RUSC2: variants seen among roughly 807,000 people sequenced by gnomAD.
RUSC2 encodes AP-4 complex accessory subunit RUSC2.
A neutral mutation model predicts 122.2 loss-of-function variants in RUSC2; 34 were observed. The observed-to-expected ratio is 0.28, with a 90% CI of 0.21 to 0.37. The LOEUF (loss-of-function observed/expected upper bound fraction) is 0.37. Among genes scored for constraint, RUSC2 ranks in the 10% least tolerant of loss-of-function variants. The pLI, the probability that RUSC2 is intolerant of heterozygous loss-of-function variation, is 1.00. For synonymous variants in RUSC2, 784 were observed against 790.0 expected, an observed-to-expected ratio of 0.99 and a Z score of 0.13; for missense variants, 1,747 against 1,952.4, an observed-to-expected ratio of 0.89 and a Z score of 1.98.
chr9:35,523,795 A>C (rs962467807), intron 1 of RUSC2, among the ~76,000 whole-genome samples: 1 of 151,986 alleles, frequency 6.6e-6, no homozygotes, highest in African/African-American at 2.4e-5. Context: ...AGCCTGGGCA[A>C]CAGAGGGAGA....
rs78585284 is a variant in RUSC2 at position 35,510,868 on chromosome 9, T to G, written c.-93+20696T>G. ...GTTTTTGGCAAAGGGCTTGTTCTTATTCTGAGATTTTGACTATAAATGGAC... is the reference window on the plus strand; with the variant it reads ...GTTTTTGGCAAAGGGCTTGTTCTTAGTCTGAGATTTTGACTATAAATGGAC... On this transcript the variant is annotated intron_variant, in intron 1 of 11. Coordinates refer to ENST00000361226, the MANE Select transcript of RUSC2 (RefSeq NM_014806.5). 2.8e-4 allele frequency among the ~76,000 whole-genome samples: 43 copies of G among 152,334 alleles called. No homozygotes were observed. In the East Asian group the frequency reaches 8.3e-3, roughly 29 times the overall value.
At chr9:35,500,588 G>A (rs1247577881) in intron 1 of RUSC2, among the ~76,000 whole-genome samples, 2 of 152,190 alleles carry the variant, frequency 1.3e-5, no homozygotes, top group Non-Finnish European at 2.9e-5. Context: ...AGAGTTCTAA[G>A]AATGCTTTTA....
In RUSC2 at chr9:35,547,475, C is replaced by T. The variant is rs750465067; in HGVS notation, c.954C>T (p.Gly318=). Residue 318 remains glycine, a synonymous_variant, in exon 2 of 12, where the codon GGC becomes GGT. Coordinates refer to ENST00000361226, the MANE Select transcript of RUSC2 (RefSeq NM_014806.5). The surrounding 1 kb of genome is among the most constrained non-coding windows in gnomAD (Gnocchi z 4.6). ...DSSFCSHSDP[G]AFYLDLQPSP... is the part of the protein sequence containing the mutation. ...CCTTCTGCAGCCACTCAGACCCTGG[C>T]GCCTTCTATCTGGATCTGCAGCCCT... 1.9e-5 allele frequency: 31 copies of T among 1,614,056 alleles called. No homozygotes were observed. Among genetic ancestry groups the T allele is most frequent in the Admixed American group, 3.3e-5 (2 of 60,006 alleles).
In RUSC2 at chr9:35,525,124, A is replaced by G. The variant is rs369964451; in HGVS notation, c.-92-21306A>G. ...CAGGCTGGCCTTTTTTTGTGTGGGG[A>G]AACCCCCAGAGAATTTGACATTCTT... On this transcript the variant is annotated intron_variant, in intron 1 of 11. Coordinates refer to ENST00000361226, the MANE Select transcript of RUSC2 (RefSeq NM_014806.5). Among the ~76,000 whole-genome samples, 79 of 152,246 alleles carry G rather than the reference A, an allele frequency of 5.2e-4. 1 individual carries two copies. The highest frequency in any genetic ancestry group is 1.8e-3 in the African/African-American group (73 of 41,546).
In RUSC2 at chr9:35,548,067, C is replaced by T. The variant is rs769971449; in HGVS notation, c.1546C>T (p.Arg516Cys). The change falls in exon 2 of 12, where the codon CGT (arginine) becomes TGT (cysteine). Residue 516 changes from arginine (R) to cysteine (C), a missense_variant. Transcript: ENST00000361226. The surrounding 1 kb of genome is among the most constrained non-coding windows in gnomAD (Gnocchi z 4.5). ...SPPVRLGSLERMLSCPVRLSE... is the reference protein window; with the variant it reads ...SPPVRLGSLECMLSCPVRLSE... The stretch of plus-strand genomic sequence containing the variant: ...TCCTGTCCGCCTGGGCTCGCTGGAA[C>T]GTATGTTGAGTTGCCCAGTGCGCTT... 29 of 1,613,244 alleles carry T rather than the reference C, an allele frequency of 1.8e-5. No individual in the cohort carries two copies. The highest frequency in any genetic ancestry group is 5.0e-5 in the Admixed American group (3 of 60,016).
intron 1 of RUSC2, among the ~76,000 whole-genome samples, chr9:35,513,754 G>A (rs2132508337): frequency 6.6e-6 from 1 of 150,638 alleles, no homozygotes; most frequent in Admixed American, 6.6e-5. Context: ...GCTCATGCCT[G>A]TAATCCCAGC....
chr9:35,533,246 CAAA>C (rs67387968), intron 1 of RUSC2, among the ~76,000 whole-genome samples: 1 of 122,966 alleles, frequency 8.1e-6, no homozygotes, highest in East Asian at 2.6e-4. Context: ...GACTCTGTCT[CAAA>C]AAAAAAAAAA....
intron 1 of RUSC2, among the ~76,000 whole-genome samples, chr9:35,535,705 AT>A (rs1356797671): frequency 2.0e-5 from 3 of 150,940 alleles, no homozygotes; most frequent in African/African-American, 7.3e-5. Flanking sequence ...CGCCCGGCTA[AT>A]TTTTTTTGTA....
Position 35,560,415 on chromosome 9 carries a change from C to T in RUSC2, c.3775C>T (p.Arg1259Cys), listed in dbSNP as rs145538360. Reference protein sequence around the residue: ...EVAEAAGGSGRARWARGGQAG... With the variant: ...EVAEAAGGSGCARWARGGQAG... ...GGCAGAGGCAGCCGGGGGCTCAGGG[C>T]GTGCCAGGTGGGCCCGAGGTGGGCA... The change falls in exon 10 of 12, where the codon CGT becomes TGT. Residue 1259 changes from arginine (R) to cysteine (C), a missense_variant. Arg to Cys is a radical substitution (Grantham distance 180, BLOSUM62 -3). Transcript: ENST00000361226. 9 of 1,614,022 alleles carry T rather than the reference C, an allele frequency of 5.6e-6. No individual in the cohort carries two copies. Among genetic ancestry groups the T allele is most frequent in the African/African-American group, 4.0e-5 (3 of 74,948 alleles).
intron 1 of RUSC2, among the ~76,000 whole-genome samples, chr9:35,505,945 C>T (rs1271174103): frequency 6.6e-6 from 1 of 152,182 alleles, no homozygotes; most frequent in Non-Finnish European, 1.5e-5. Context: ...GGAGGATGTT[C>T]ATTCTCAACA....
rs775126489 is a variant in RUSC2 at position 35,558,263 on chromosome 9, G to T, written c.3127G>T (p.Ala1043Ser). Residue 1043 changes from alanine (A) to serine (S), a missense_variant, in exon 7 of 12, where the codon GCC (alanine) becomes TCC (serine). Physicochemically the swap from Ala to Ser is moderately conservative, Grantham distance 99. Coordinates refer to ENST00000361226, the MANE Select transcript of RUSC2 (RefSeq NM_014806.5). This position sits in a 1 kb window ranked among gnomAD's most constrained non-coding sequence, Gnocchi z 4.3. ...GHLVLKYLCP[A>S]VRAVLEDGLK... ...CCTGGTTCTGAAGTACTTGTGCCCT[G>T]CCGTCCGCGCCGTGCTGGAGGATGG... 6.2e-7 allele frequency: 1 copy of T among 1,614,130 alleles called. No homozygotes were observed.
Position 35,555,814 on chromosome 9 carries a change from T to A in RUSC2, c.2656+113T>A. 6.8e-7 allele frequency: 1 copy of A among 1,466,096 alleles called. No individual in the cohort carries two copies. The highest frequency in any genetic ancestry group is 1.4e-5 in the African/African-American group (1 of 70,892). The allele number at this position is 1,466,096 out of a possible 1,614,324, so 90.8% of individuals were successfully genotyped here. Reference sequence around the variant, plus strand: ...ACCTGGGGCCAGAGGTTAGGATGTCTGCATCCCTCCCTCAGCATCTGTAGA... The same window carrying A: ...ACCTGGGGCCAGAGGTTAGGATGTCAGCATCCCTCCCTCAGCATCTGTAGA... On this transcript the variant is annotated intron_variant, in intron 3 of 11. Transcript: ENST00000361226. This position sits in a 1 kb window ranked among gnomAD's most constrained non-coding sequence, Gnocchi z 4.6.
intron 1 of RUSC2, among the ~76,000 whole-genome samples, chr9:35,524,785 C>A (rs1821289635): frequency 6.6e-6 from 1 of 151,986 alleles, no homozygotes; most frequent in South Asian, 2.1e-4. Flanking sequence ...TCCTGGGTAA[C>A]ACGGTGAAAC....
At chr9:35,520,827 C>T (rs1290909764) in intron 1 of RUSC2, among the ~76,000 whole-genome samples, 1 of 152,154 alleles carries the variant, frequency 6.6e-6, no homozygotes, top group Non-Finnish European at 1.5e-5. Flanking sequence ...GTCTTGGTGG[C>T]TTCCTGCTCC....
At chr9:35,514,494 T>C (rs1821067575) in intron 1 of RUSC2, among the ~76,000 whole-genome samples, 1 of 152,144 alleles carries the variant, frequency 6.6e-6, no homozygotes, top group African/African-American at 2.4e-5. Context: ...TAGACTTCAT[T>C]TGATGTCTAT....
rs1189896870 is a variant in RUSC2, at chr9:35,556,404, A to G, written c.2939A>G (p.Asp980Gly). 1.2e-6 allele frequency: 2 copies of G among 1,614,202 alleles called. No homozygotes were observed. Among genetic ancestry groups the G allele is most frequent in the South Asian group, 1.1e-5 (1 of 91,076 alleles). The change falls in exon 5 of 12, where the codon GAT becomes GGT. Residue 980 changes from aspartate (D) to glycine (G), a missense_variant. Physicochemically the swap from Asp to Gly is moderately conservative, Grantham distance 94 (BLOSUM62 -1). Coordinates refer to ENST00000361226, the MANE Select transcript of RUSC2 (RefSeq NM_014806.5). ...KPPAEFCLSP[D>G]GSSEAISIDL... ...CCAGCTGAGTTTTGTCTGTCCCCAGATGGCAGCTCAGAGGCCATTTCCATT... is the reference window on the plus strand; with the variant it reads ...CCAGCTGAGTTTTGTCTGTCCCCAGGTGGCAGCTCAGAGGCCATTTCCATT...
At chr9:35,532,619 A>AC (rs1454345536) in intron 1 of RUSC2, among the ~76,000 whole-genome samples, 1 of 151,398 alleles carries the variant, frequency 6.6e-6, no homozygotes, top group East Asian at 2.0e-4. Context: ...GGTGGCATGC[A>AC]CCTGTAATCC....
intron 1 of RUSC2, among the ~76,000 whole-genome samples, chr9:35,499,083 T>C (rs544331608): frequency 6.6e-6 from 1 of 152,110 alleles, no homozygotes; most frequent in African/African-American, 2.4e-5. Context: ...GGCCAGGAGT[T>C]CAAGACCAGC....
At chr9:35,496,420 A>G (rs1306916726) in intron 1 of RUSC2, among the ~76,000 whole-genome samples, 1 of 152,168 alleles carries the variant, frequency 6.6e-6, no homozygotes, top group Non-Finnish European at 1.5e-5. Flanking sequence ...AGGGTTGGCT[A>G]ACCTTAGAGA....
Sources: allele counts gnomAD v4.1 joint callset (sites outside exome capture counted in the v4.1 genomes callset), GRCh38; gene constraint gnomAD v4.1.1; non-coding constraint Gnocchi (gnomAD v3.1); transcripts MANE v1.5; gene names NCBI Gene and HGNC (gene_info 2026-07-23, HGNC 2026-07-21).